Variants in HYCC2 observed in about 807,000 individuals in gnomAD.
HYCC2 encodes the protein hyccin PI4KA lipid kinase complex subunit 2.
chr2:201,015,177 C>T, the HYCC2 span, among the ~76,000 whole-genome samples: 2 of 152,128 alleles, frequency 1.3e-5, no homozygotes, highest in African/African-American at 4.8e-5. Flanking sequence ...CCTTGCACTG[C>T]GCAAGAAAAG....
At chr2:201,012,414 T>A in the HYCC2 span, among the ~76,000 whole-genome samples, 1 of 151,878 alleles carries the variant, frequency 6.6e-6, no homozygotes, top group Non-Finnish European at 1.5e-5. Flanking sequence ...TGAGCTGAGA[T>A]CACCCACTGC....
chr2:201,037,116 C>G, the HYCC2 span, among the ~76,000 whole-genome samples: 17 of 152,118 alleles, frequency 1.1e-4, no homozygotes, highest in East Asian at 5.8e-4. Flanking sequence ...ACAAACAGAG[C>G]CAAATCATGA....
the HYCC2 span, chr2:201,021,943 G>A: frequency 6.1e-5 from 30 of 494,182 alleles, no homozygotes; most frequent in East Asian, 5.6e-4. Context: ...AAGTCTAACT[G>A]AGAGCCAGTC....
the HYCC2 span, among the ~76,000 whole-genome samples, chr2:201,038,986 C>T: frequency 3.9e-5 from 6 of 152,070 alleles, no homozygotes; most frequent in South Asian, 1.2e-3. Context: ...GAACCACATG[C>T]CACTTTTTAA....
chr2:200,983,524 C>T, the HYCC2 span, among the ~76,000 whole-genome samples: 1 of 152,300 alleles, frequency 6.6e-6, no homozygotes, highest in South Asian at 2.1e-4. Flanking sequence ...GTTTAATAAT[C>T]TTTAATCATC....
chr2:201,070,741 G>A, the HYCC2 span, among the ~76,000 whole-genome samples: 135 of 152,170 alleles, frequency 8.9e-4, no homozygotes, highest in African/African-American at 3.2e-3. Flanking sequence ...CTGGGGGGAG[G>A]AAGGGATCTA....
the HYCC2 span, among the ~76,000 whole-genome samples, chr2:200,985,989 A>G: frequency 1.2e-4 from 18 of 152,344 alleles, no homozygotes; most frequent in East Asian, 3.3e-3. Context: ...ATAGTAGTAG[A>G]TAAGTGGCTC....
the HYCC2 span, chr2:201,023,685 T>C: frequency 4.2e-6 from 1 of 240,766 alleles, no homozygotes; most frequent in Non-Finnish European, 7.9e-6. Flanking sequence ...ATGGATCTTC[T>C]CTTTTACTGA....
chr2:201,051,713 G>A, the HYCC2 span, among the ~76,000 whole-genome samples: 2 of 152,178 alleles, frequency 1.3e-5, no homozygotes, highest in Non-Finnish European at 2.9e-5. Flanking sequence ...ATGTTCATGA[G>A]TTGGGAAGAC....
the HYCC2 span, chr2:200,996,152 T>G: frequency 3.3e-5 from 5 of 150,020 alleles, no homozygotes; most frequent in Non-Finnish European, 7.4e-5. Context: ...TGCCTCAGCC[T>G]CTCAAATAGC....
chr2:201,018,598 T>C, the HYCC2 span, among the ~76,000 whole-genome samples: 1 of 152,138 alleles, frequency 6.6e-6, no homozygotes, highest in Non-Finnish European at 1.5e-5. Flanking sequence ...CTTAAAAAAT[T>C]TACATACATA....
the HYCC2 span, among the ~76,000 whole-genome samples, chr2:201,029,039 AT>A: frequency 6.6e-6 from 1 of 152,186 alleles, no homozygotes; most frequent in Non-Finnish European, 1.5e-5. Context: ...ATGGGAGAAA[AT>A]TTTTGCAATC....
At chr2:200,980,451 GC>G in the HYCC2 span, 1 of 152,358 alleles carries the variant, frequency 6.6e-6, no homozygotes, top group Non-Finnish European at 1.5e-5. Context: ...AATAGAACAT[GC>G]CCCTCAGATT....
At chr2:201,050,055 A>T in the HYCC2 span, among the ~76,000 whole-genome samples, 4 of 151,162 alleles carry the variant, frequency 2.6e-5, no homozygotes, top group South Asian at 6.2e-4. Context: ...TACAAAAAAT[A>T]AAAAAAATAA....
the HYCC2 span, among the ~76,000 whole-genome samples, chr2:200,986,996 T>A: frequency 6.6e-6 from 1 of 152,240 alleles, no homozygotes; most frequent in Non-Finnish European, 1.5e-5. Flanking sequence ...TATTGATGAA[T>A]AAGGCTCATG....
At chr2:201,001,064 G>A in the HYCC2 span, among the ~76,000 whole-genome samples, 9 of 151,720 alleles carry the variant, frequency 5.9e-5, no homozygotes, top group Admixed American at 1.3e-4. Context: ...CTTGAACCCA[G>A]GAGGCAGAGG....
chr2:201,039,873 G>A, the HYCC2 span, among the ~76,000 whole-genome samples: 13 of 152,214 alleles, frequency 8.5e-5, no homozygotes, highest in Admixed American at 3.9e-4. Flanking sequence ...AAAAAAATGT[G>A]TCTTAAAAGT....
the HYCC2 span, among the ~76,000 whole-genome samples, chr2:201,034,477 C>T: frequency 1.8e-3 from 270 of 152,198 alleles, no homozygotes; most frequent in Middle Eastern, 0.014. Flanking sequence ...TCCTCCATCC[C>T]TTTATTTTGA....
At chr2:200,981,562 C>A in the HYCC2 span, 1 of 1,614,158 alleles carries the variant, frequency 6.2e-7, no homozygotes. This position sits in a 1 kb window ranked among gnomAD's most constrained non-coding sequence, Gnocchi z 4.5. Context: ...CACCACCTGG[C>A]CAGCAGGCAG....
Sources: gnomAD v4.1 joint callset for allele counts (sites outside exome capture counted in the v4.1 genomes callset) on GRCh38, gnomAD v4.1.1 for gene constraint, Gnocchi (gnomAD v3.1) non-coding constraint, MANE v1.5 for transcripts, NCBI Gene and HGNC (gene_info 2026-07-23, HGNC 2026-07-21) for gene names.